NUDT3: variants seen among roughly 807,000 people sequenced by gnomAD.
NUDT3 encodes nudix hydrolase 3.
A neutral mutation model predicts 23.6 loss-of-function variants in NUDT3; 9 were observed. That is an observed-to-expected ratio of 0.38 (90% CI 0.23 to 0.66). The LOEUF (loss-of-function observed/expected upper bound fraction) is 0.66. Among genes scored for constraint, NUDT3 ranks in the 30% least tolerant of loss-of-function variants. NUDT3 has a pLI of 0.52. For missense variants in NUDT3, 172 were observed against 218.5 expected (o/e 0.79, Z 1.34); for synonymous variants, 86 against 82.6 (o/e 1.04, Z -0.22).
intron 1 of NUDT3, among the ~76,000 whole-genome samples, chr6:34,351,226 A>AAAAAAAAAAAAAAAAAAAAAAAAAAAC (rs1554154786): frequency 1.5e-5 from 2 of 133,976 alleles, no homozygotes; most frequent in African/African-American, 6.3e-5. Flanking sequence ...AAAAAAAAAA[A>AAAAAAAAAAAAAAAAAAAAAAAAAAAC]CACTTTGGGA....
At chr6:34,327,898 C>T (rs1764066551) in intron 2 of NUDT3, among the ~76,000 whole-genome samples, 1 of 152,182 alleles carries the variant, frequency 6.6e-6, no homozygotes, top group South Asian at 2.1e-4. Flanking sequence ...AGAGGGCTCA[C>T]CTCTTGCCTT....
intron 2 of NUDT3, among the ~76,000 whole-genome samples, chr6:34,325,571 T>C (rs778365369): frequency 2.6e-5 from 4 of 152,162 alleles, no homozygotes; most frequent in Non-Finnish European, 5.9e-5. Flanking sequence ...TGTATGAGTT[T>C]TCCTAGGAGG....
At chr6:34,384,120 A>T (rs1765067172) in intron 1 of NUDT3, among the ~76,000 whole-genome samples, 1 of 152,116 alleles carries the variant, frequency 6.6e-6, no homozygotes. Flanking sequence ...GTCTGCAGAG[A>T]CGTCAGTCCA....
chr6:34,363,602 G>A (rs1265315224), intron 1 of NUDT3, among the ~76,000 whole-genome samples: 1 of 152,020 alleles, frequency 6.6e-6, no homozygotes, highest in Non-Finnish European at 1.5e-5. Flanking sequence ...TGGGCTAGGT[G>A]AGAGTTCTGA....
intron 1 of NUDT3, among the ~76,000 whole-genome samples, chr6:34,390,272 C>A (rs1765176199): frequency 6.6e-6 from 1 of 150,800 alleles, no homozygotes; most frequent in African/African-American, 2.4e-5. Context: ...CCAGCCTGGG[C>A]GACATAGCAA....
At chr6:34,297,730 A>AAAAATATATATAT (rs61610076) in intron 2 of NUDT3, among the ~76,000 whole-genome samples, 1 of 72,004 alleles carries the variant, frequency 1.4e-5, no homozygotes, top group African/African-American at 7.7e-5. Context: ...AAAAAAAAAA[A>AAAAATATATATAT]ATATATATAT....
At chr6:34,306,415 T>C (rs553867059) in intron 2 of NUDT3, among the ~76,000 whole-genome samples, 48 of 152,352 alleles carry the variant, frequency 3.2e-4, no homozygotes, top group African/African-American at 9.6e-4. Context: ...AGTTTAACGA[T>C]TGTGGAATCT....
chr6:34,287,201 A>C lies in NUDT3; in HGVS notation c.*1552T>G, dbSNP rs1763345702. On this transcript the variant is annotated 3_prime_UTR_variant, in exon 5 of 5. Coordinates refer to ENST00000607016, the MANE Select transcript of NUDT3 (RefSeq NM_006703.4). ...GGAGGGAAAAGTAAAAGCTTTTCAA[A>C]GTTTGAGTGCTTTATTAGAATTTTT... is the stretch of plus-strand genomic sequence containing the variant. The C allele has an allele frequency of 3.9e-5, 6 of 152,198 alleles. No homozygotes were observed. Among genetic ancestry groups the C allele is most frequent in the Admixed American group, 3.9e-4 (6 of 15,282 alleles). The allele number at this position is 152,198 out of a possible 1,614,324, so 9.4% of individuals were successfully genotyped here.
chr6:34,365,022 A>AAAAT (rs899382481), intron 1 of NUDT3, among the ~76,000 whole-genome samples: 55 of 152,324 alleles, frequency 3.6e-4, no homozygotes, highest in African/African-American at 7.7e-4. Flanking sequence ...CTTCGTCTCA[A>AAAAT]AAATAAATAA....
chr6:34,364,660 C>A (rs1352258419), intron 1 of NUDT3, among the ~76,000 whole-genome samples: 2 of 152,176 alleles, frequency 1.3e-5, no homozygotes, highest in African/African-American at 2.4e-5. Flanking sequence ...AAAACTCAGG[C>A]AGGGCCTAAG....
chr6:34,375,228 G>T (rs773926252), intron 1 of NUDT3, among the ~76,000 whole-genome samples: 1 of 152,024 alleles, frequency 6.6e-6, no homozygotes, highest in East Asian at 1.9e-4. Context: ...CCTGTAATCC[G>T]AGCTACTCGG....
chr6:34,377,668 A>G (rs1764946261), intron 1 of NUDT3, among the ~76,000 whole-genome samples: 1 of 151,904 alleles, frequency 6.6e-6, no homozygotes, highest in Admixed American at 6.6e-5. Context: ...ACCCGTTGCT[A>G]CTGAAAATAC....
intron 1 of NUDT3, among the ~76,000 whole-genome samples, chr6:34,362,975 A>T (rs1166133473): frequency 1.3e-5 from 2 of 152,146 alleles, no homozygotes; most frequent in African/African-American, 4.8e-5. Flanking sequence ...GCTAACCCTC[A>T]TGAGAGTCCT....
chr6:34,364,015 G>A lies in NUDT3; in HGVS notation c.100-22043C>T, dbSNP rs1032520316. Among the ~76,000 whole-genome samples, 6 of 152,074 alleles carry A rather than the reference G, an allele frequency of 3.9e-5. No individual in the cohort carries two copies. In the South Asian group the frequency reaches 8.3e-4, roughly 21 times the overall value. On this transcript the variant is annotated intron_variant, in intron 1 of 4. Transcript: ENST00000607016. ...TCTGTTTCTCCTCTATTCCAGAGACGCTAACAAGGAAGCTAGTTGCTAACT... is the reference window on the plus strand; with the variant it reads ...TCTGTTTCTCCTCTATTCCAGAGACACTAACAAGGAAGCTAGTTGCTAACT...
At chr6:34,328,250 C>G (rs1431511061) in intron 2 of NUDT3, among the ~76,000 whole-genome samples, 1 of 152,124 alleles carries the variant, frequency 6.6e-6, no homozygotes, top group Non-Finnish European at 1.5e-5. Context: ...ACTGGGTCTT[C>G]CCCTTACCCC....
intron 1 of NUDT3, among the ~76,000 whole-genome samples, chr6:34,376,089 A>G (rs957448106): frequency 3.9e-5 from 6 of 152,086 alleles, no homozygotes; most frequent in African/African-American, 1.4e-4. Context: ...CACATCTCCA[A>G]CTATCATCAG....
intron 3 of NUDT3, 25 bp from the exon 4 acceptor site, chr6:34,293,560 G>C (rs769456650): frequency 1.2e-6 from 2 of 1,609,602 alleles, no homozygotes; most frequent in Non-Finnish European, 8.5e-7. Flanking sequence ...GAGAAGGATA[G>C]AGAGAGTTTT....
rs1763283673 is a variant in NUDT3 at position 34,281,828 on chromosome 6, C to T, written c.*6925G>A. ...AGAAAATTCTGAGCAAACATGCTCC[C>T]AGTCACGAGGGATGGGGTGAGCGGG... On this transcript the variant is annotated 3_prime_UTR_variant, in exon 5 of 5. Transcript: ENST00000607016. The T allele has an allele frequency of 6.6e-6, 1 of 152,168 alleles. No homozygotes were observed. The highest frequency in any genetic ancestry group is 1.5e-5 in the Non-Finnish European group (1 of 68,042). 9.4% of individuals were successfully genotyped at this position (152,168 alleles called of 1,614,324 possible). A position where few individuals can be genotyped will look rare whatever the true frequency, so the allele number is the denominator to read the frequency against.
At chr6:34,356,187 T>C (rs978622961) in intron 1 of NUDT3, among the ~76,000 whole-genome samples, 2 of 152,204 alleles carry the variant, frequency 1.3e-5, no homozygotes, top group Non-Finnish European at 2.9e-5. Context: ...GTACCCCATT[T>C]ACCCTGATGT....
Sources: gnomAD v4.1 joint callset for allele counts (sites outside exome capture counted in the v4.1 genomes callset) on GRCh38, gnomAD v4.1.1 for gene constraint, MANE v1.5 for transcripts, NCBI Gene and HGNC (gene_info 2026-07-23, HGNC 2026-07-21) for gene names.